Variants in CDKL5 observed in about 807,000 individuals in gnomAD.
CDKL5 encodes the protein cyclin dependent kinase like 5, also known as cyclin-dependent kinase-like 5.
Under a neutral mutation model 61.7 loss-of-function variants are expected in CDKL5, and 8 were observed. The observed-to-expected ratio is 0.13, with a 90% CI of 0.08 to 0.23. The LOEUF (loss-of-function observed/expected upper bound fraction) is 0.23, where lower values mean the gene tolerates loss of function less well. Among genes scored for constraint, CDKL5 ranks in the 10% least tolerant of loss-of-function variants. The pLI, the probability that CDKL5 is intolerant of heterozygous loss-of-function variation, is 1.00. For missense variants in CDKL5, 440 were observed against 734.5 expected, an observed-to-expected ratio of 0.60 and a Z score of 4.63; for synonymous variants, 275 against 272.3, an observed-to-expected ratio of 1.01 and a Z score of -0.10.
At chrX:18,431,423 C>CTTTTTTTT (rs1177063856) in intron 1 of CDKL5, among the ~76,000 whole-genome samples, 218 of 95,483 alleles carry the variant, frequency 2.3e-3, no homozygotes, top group Middle Eastern at 5.4e-3. Context: ...GATTTCTTTT[C>CTTTTTTTT]TTTTTTTTTT....
At chrX:18,458,911 G>C (rs775233643) in intron 1 of CDKL5, among the ~76,000 whole-genome samples, 1 of 111,292 alleles carries the variant, frequency 9.0e-6, no homozygotes, top group Non-Finnish European at 1.9e-5. Context: ...GTACCTGGAG[G>C]GTTGGAAAAG....
chrX:18,438,439 A>G (rs767407681), intron 1 of CDKL5, among the ~76,000 whole-genome samples: 1 of 110,884 alleles, frequency 9.0e-6, no homozygotes, highest in Non-Finnish European at 1.9e-5. Context: ...AAGAGTCTTA[A>G]AGGAAGTCCA....
At position 18,477,888 on chromosome X, in the gene CDKL5, T is replaced by C. The variant is rs559075674; in HGVS notation, c.-162-29047T>C. Among the ~76,000 whole-genome samples the C allele has an allele frequency of 1.5e-4, 17 of 112,463 alleles. No individual in the cohort carries two copies. In the South Asian group the frequency reaches 2.6e-3, roughly 17 times the overall value. ...TTTGTAGTTTGTTATATTAACTTTC[T>C]TATTTACCATTTCTGGTTTCCTTAA... On this transcript the variant is annotated intron_variant, in intron 1 of 17. Transcript: ENST00000623535.
Position 18,432,544 on chromosome X carries a change from C to G in CDKL5, c.-163+6849C>G, listed in dbSNP as rs1931519450. ...GGTGTAAGCTACCGTGCCTGGCCAA[C>G]CTAGATCTTTTTGTCATCAGATACT... On this transcript the variant is annotated intron_variant, in intron 1 of 17. Coordinates refer to ENST00000623535, the MANE Select transcript of CDKL5 (RefSeq NM_001323289.2). 2.7e-5 allele frequency among the ~76,000 whole-genome samples: 3 copies of G among 109,934 alleles called. No homozygotes were observed. In the South Asian group the frequency reaches 1.2e-3, roughly 43 times the overall value.
intron 1 of CDKL5, among the ~76,000 whole-genome samples, chrX:18,492,695 C>T (rs943324204): frequency 2.7e-5 from 3 of 111,655 alleles, no homozygotes; most frequent in Non-Finnish European, 5.6e-5. Flanking sequence ...CTATTCATTT[C>T]TCTTAATATC....
intron 3 of CDKL5, among the ~76,000 whole-genome samples, chrX:18,528,613 T>G (rs756399026): frequency 1.8e-5 from 2 of 109,920 alleles, no homozygotes; most frequent in Non-Finnish European, 3.8e-5. Context: ...TCTCTTTCTC[T>G]TGCTTTGCTT....
rs1032790370 is a variant in CDKL5 at position 18,637,601 on chromosome X, C to T, written c.*8844C>T. The T allele has an allele frequency of 1.4e-4, 15 of 110,316 alleles. No homozygotes were observed. The highest frequency in any genetic ancestry group is 7.8e-4 in the South Asian group (2 of 2,569). 9.1% of individuals were successfully genotyped at this position (110,316 alleles called of 1,213,427 possible). Reference sequence around the variant, plus strand: ...AAATAAATCCCTAGGATATAGAGTCCGCTTGCCTGGGTGGAGTCTTGGCTC... The same window carrying T: ...AAATAAATCCCTAGGATATAGAGTCTGCTTGCCTGGGTGGAGTCTTGGCTC... On this transcript the variant is annotated 3_prime_UTR_variant, in exon 18 of 18. Coordinates refer to ENST00000623535, the MANE Select transcript of CDKL5 (RefSeq NM_001323289.2).
In CDKL5 at chrX:18,636,132, G is replaced by A. The variant is rs751976618; in HGVS notation, c.*7375G>A. On this transcript the variant is annotated 3_prime_UTR_variant, in exon 18 of 18. Transcript: ENST00000623535. ...GTTTTCTTTCTCTTTCTAAACAAAGGGTAGGAGCTGAAAGTCAGTGCTCTC... is the reference window on the plus strand; with the variant it reads ...GTTTTCTTTCTCTTTCTAAACAAAGAGTAGGAGCTGAAAGTCAGTGCTCTC... The A allele has an allele frequency of 5.5e-4, 61 of 110,307 alleles. No homozygotes were observed. Among genetic ancestry groups the A allele is most frequent in the African/African-American group, 1.8e-3 (55 of 30,375 alleles). 9.1% of individuals were successfully genotyped at this position (110,307 alleles called of 1,213,427 possible). A position where few individuals can be genotyped will look rare whatever the true frequency, so the allele number is the denominator to read the frequency against.
chrX:18,517,018 T>G (rs1232410950), intron 3 of CDKL5, among the ~76,000 whole-genome samples: 1 of 112,140 alleles, frequency 8.9e-6, no homozygotes, highest in Non-Finnish European at 1.9e-5. Flanking sequence ...ATTACAGGCG[T>G]GAGCACCTGG....
chrX:18,530,205 G>A (rs1293833281), intron 3 of CDKL5, among the ~76,000 whole-genome samples: 1 of 107,611 alleles, frequency 9.3e-6, no homozygotes, highest in South Asian at 4.2e-4. Flanking sequence ...GGTGGTGCAC[G>A]CCTGTAATCC....
At chrX:18,641,095 GA>G (rs1219845471), downstream of CDKL5, 3 of 112,669 alleles carry the variant, frequency 2.7e-5, no homozygotes, top group Non-Finnish European at 5.6e-5. Context: ...AGCCTCCTCT[GA>G]GTAGCCAGTG....
At chrX:18,510,789 GC>G (rs769668864) in intron 2 of CDKL5, 30 bp from the exon 3 acceptor site, 129 of 1,159,524 alleles carry the variant, frequency 1.1e-4, no homozygotes, top group Non-Finnish European at 1.3e-4. Context: ...TTGTATGCGT[GC>G]CCTTGATTGT....
At chrX:18,628,248 C>T in intron 17 of CDKL5, 123 bp from the exon 18 acceptor site, 2 of 670,100 alleles carry the variant, frequency 3.0e-6, no homozygotes, top group Middle Eastern at 4.3e-4. Flanking sequence ...GGACCGGCTC[C>T]TCCTTGCACA....
chrX:18,620,768 G>C lies in CDKL5; in HGVS notation c.2376+802G>C, dbSNP rs79904412. ...TTTTTATTTATTTATTTATTTTAGAGACAGGGTCTCACCCTGTTGCCCAGG... is the reference window on the plus strand; with the variant it reads ...TTTTTATTTATTTATTTATTTTAGACACAGGGTCTCACCCTGTTGCCCAGG... On this transcript the variant is annotated intron_variant, in intron 16 of 17. Coordinates refer to ENST00000623535, the MANE Select transcript of CDKL5 (RefSeq NM_001323289.2). Among the ~76,000 whole-genome samples the C allele has an allele frequency of 9.9e-3, 1,105 of 111,232 alleles. 50 individuals are homozygous for C. In the East Asian group the frequency reaches 0.19, roughly 19 times the overall value.
At chrX:18,616,113 G>A (rs758511787) in intron 15 of CDKL5, among the ~76,000 whole-genome samples, 6 of 111,525 alleles carry the variant, frequency 5.4e-5, no homozygotes, top group Non-Finnish European at 7.5e-5. Flanking sequence ...ATAGTTCAAG[G>A]TAATACTACA....
rs149281128 is a variant in CDKL5 at position 18,525,519 on chromosome X, A to G, written c.99+14665A>G. 4.9e-3 allele frequency among the ~76,000 whole-genome samples: 541 copies of G among 110,916 alleles called. 2 individuals are homozygous for G. Among genetic ancestry groups the G allele is most frequent in the Middle Eastern group, 0.047 (10 of 213 alleles). ...TGTGTCTATTTTTCACCAATACCAT[A>G]TTGTCTTGATTACTGTAGTTTTGTG... On this transcript the variant is annotated intron_variant, in intron 3 of 17. Transcript: ENST00000623535.
intron 1 of CDKL5, among the ~76,000 whole-genome samples, chrX:18,502,965 A>C (rs534178553): frequency 8.9e-6 from 1 of 111,947 alleles, no homozygotes; most frequent in Admixed American, 9.5e-5. Context: ...TTCTTTAGAA[A>C]ACCTTGTTGG....
intron 1 of CDKL5, among the ~76,000 whole-genome samples, chrX:18,433,125 G>A (rs1269145093): frequency 9.1e-6 from 1 of 110,058 alleles, no homozygotes; most frequent in Non-Finnish European, 1.9e-5. Flanking sequence ...CCTCCTGGGA[G>A]GCTGAGGTGG....
intron 3 of CDKL5, among the ~76,000 whole-genome samples, chrX:18,516,024 G>A (rs1361657957): frequency 1.9e-5 from 2 of 107,728 alleles, no homozygotes; most frequent in Admixed American, 2.0e-4. Flanking sequence ...CTCTCACTGT[G>A]TTGCCCAGGT....
Sources: gnomAD v4.1 joint callset for allele counts (sites outside exome capture counted in the v4.1 genomes callset) on GRCh38, gnomAD v4.1.1 for gene constraint, MANE v1.5 for transcripts, NCBI Gene and HGNC (gene_info 2026-07-23, HGNC 2026-07-21) for gene names.